GRSF1: variants seen among roughly 807,000 people sequenced by gnomAD.
GRSF1 encodes G-rich sequence factor 1.
In GRSF1, 50 loss-of-function variants were observed where a neutral mutation model predicts 51.1. That is an observed-to-expected ratio of 0.98 (90% CI 0.78 to 1.24). GRSF1 has a LOEUF of 1.24. Ranked by LOEUF, GRSF1 falls within the 50% of genes most tolerant of loss-of-function variation. The pLI, the probability that GRSF1 is intolerant of heterozygous loss-of-function variation, is 0.00. For missense variants in GRSF1, 700 were observed against 639.7 expected, an observed-to-expected ratio of 1.09 and a Z score of -1.02; for synonymous variants, 293 against 253.3, an observed-to-expected ratio of 1.16 and a Z score of -1.49.
At chr4:70,832,219 G>A in intron 4 of GRSF1, 88 bp downstream of exon 4, 1 of 1,050,698 alleles carries the variant, frequency 9.5e-7, no homozygotes, top group Non-Finnish European at 1.4e-6. Context: ...GCATGCCTTT[G>A]CCCAGAAACA....
At chr4:70,840,249 C>T (rs867281805), upstream of GRSF1, among the ~76,000 whole-genome samples, 4 of 151,942 alleles carry the variant, frequency 2.6e-5, no homozygotes, top group African/African-American at 7.3e-5. Flanking sequence ...ATGGTTTGGG[C>T]GGGGCCCGGG....
At chr4:70,835,428 CA>C (rs746074850) in intron 2 of GRSF1, among the ~76,000 whole-genome samples, 52 of 103,800 alleles carry the variant, frequency 5.0e-4, no homozygotes, top group East Asian at 2.3e-3. Context: ...GACTCCGTCT[CA>C]AAAAAAAAAA....
chr4:70,836,328 T>C lies in GRSF1; in HGVS notation c.358-14A>G. On this transcript the variant is annotated splice_polypyrimidine_tract_variant and intron_variant, in intron 1 of 9. Coordinates refer to ENST00000254799, the MANE Select transcript of GRSF1 (RefSeq NM_002092.4). ...AGTTTTGGACTCCTTCCAAAGGAAATGAAGAATTGTAAAAAGAGTTGCATT... is the reference window on the plus strand; with the variant it reads ...AGTTTTGGACTCCTTCCAAAGGAAACGAAGAATTGTAAAAAGAGTTGCATT... The C allele has an allele frequency of 6.5e-7, 1 of 1,529,718 alleles. No individual in the cohort carries two copies. The highest frequency in any genetic ancestry group is 1.2e-5 in the South Asian group (1 of 80,474). The allele number at this position is 1,529,718 out of a possible 1,614,324, so 94.8% of individuals were successfully genotyped here.
At chr4:70,822,162 C>A (rs917130455) in intron 9 of GRSF1, among the ~76,000 whole-genome samples, 1 of 151,630 alleles carries the variant, frequency 6.6e-6, no homozygotes, top group Admixed American at 6.6e-5. Context: ...TAGGTTAACA[C>A]TATAAAATTA....
rs959417584 is a variant in GRSF1, at chr4:70,816,997, T to C, written c.*3890A>G. The C allele has an allele frequency of 5.3e-5, 8 of 152,126 alleles. 1 individual carries two copies. Among genetic ancestry groups the C allele is most frequent in the African/African-American group, 1.9e-4 (8 of 41,384 alleles). 9.4% of individuals were successfully genotyped at this position (152,126 alleles called of 1,614,324 possible). The stretch of plus-strand genomic sequence containing the variant: ...ACAAAATAGCATGTACAGTATAATT[T>C]ATATTTTTAAAAGAAATGACAACAC... On this transcript the variant is annotated 3_prime_UTR_variant, in exon 10 of 10. Coordinates refer to ENST00000254799, the MANE Select transcript of GRSF1 (RefSeq NM_002092.4).
chr4:70,824,144 T>C (rs1733639737), intron 9 of GRSF1, 150 bp downstream of exon 9: 2 of 402,360 alleles, frequency 5.0e-6, no homozygotes, highest in Non-Finnish European at 9.4e-6. Flanking sequence ...TTAATTTTTG[T>C]ATTTTTAGTA....
intron 9 of GRSF1, among the ~76,000 whole-genome samples, chr4:70,821,595 G>T (rs892086111): frequency 7.2e-6 from 1 of 139,620 alleles, no homozygotes; most frequent in Non-Finnish European, 1.5e-5. Flanking sequence ...GACAGAGAGA[G>T]ACTCCGTCTC....
chr4:70,836,959 T>C (rs1734239698), intron 1 of GRSF1, among the ~76,000 whole-genome samples: 1 of 152,204 alleles, frequency 6.6e-6, no homozygotes. Flanking sequence ...CAAAAGAGGT[T>C]GGTACCATAG....
chr4:70,831,448 G>T, intron 5 of GRSF1, 91 bp downstream of exon 5: 1 of 1,157,990 alleles, frequency 8.6e-7, no homozygotes, highest in Non-Finnish European at 1.2e-6. Flanking sequence ...ACTTTTCTAT[G>T]TTTGGATAAC....
intron 3 of GRSF1, 86 bp downstream of exon 3, chr4:70,833,032 A>T: frequency 8.8e-7 from 1 of 1,142,000 alleles, no homozygotes; most frequent in Non-Finnish European, 1.3e-6. Context: ...TAAATACTTC[A>T]TTATTAAGGA....
chr4:70,823,170 CG>C (rs1733589752), intron 9 of GRSF1, among the ~76,000 whole-genome samples: 1 of 151,846 alleles, frequency 6.6e-6, no homozygotes, highest in African/African-American at 2.4e-5. Context: ...CCGAGGCAGG[CG>C]GATCACCTGA....
intron 5 of GRSF1, among the ~76,000 whole-genome samples, chr4:70,829,820 C>T (rs547458865): frequency 5.6e-4 from 85 of 152,002 alleles, no homozygotes; most frequent in African/African-American, 1.9e-3. Context: ...ACCAAAAAAC[C>T]TTTGAACCAC....
intron 1 of GRSF1, among the ~76,000 whole-genome samples, chr4:70,838,711 A>C (rs1734326699): frequency 6.6e-6 from 1 of 152,192 alleles, no homozygotes; most frequent in African/African-American, 2.4e-5. Flanking sequence ...TTTCTAAAAA[A>C]ATAAAGAAAA....
rs1734168667 is a variant in GRSF1, at chr4:70,835,492, T to A, written c.514+666A>T. Among the ~76,000 whole-genome samples, 3 of 144,526 alleles carry A rather than the reference T, an allele frequency of 2.1e-5. No individual in the cohort carries two copies. In the South Asian group the frequency reaches 7.1e-4, roughly 34 times the overall value. The allele number at this position is 144,526 out of a possible 152,430, so 94.8% of individuals were successfully genotyped here. A position where few individuals can be genotyped will look rare whatever the true frequency, so the allele number is the denominator to read the frequency against. ...TTTTTTTTGAGACAGAGTCTCACTC[T>A]GTCGCCCAGGCTGGAATGCAGTGGC... On this transcript the variant is annotated intron_variant, in intron 2 of 9. Transcript: ENST00000254799.
At position 70,835,481 on chromosome 4, in the gene GRSF1, G is replaced by C. The variant is rs561665295; in HGVS notation, c.514+677C>G. Among the ~76,000 whole-genome samples, 171 of 140,992 alleles carry C rather than the reference G, an allele frequency of 1.2e-3. 1 individual carries two copies. Among genetic ancestry groups the C allele is most frequent in the Non-Finnish European group, 2.2e-3 (144 of 64,882 alleles). The allele number at this position is 140,992 out of a possible 152,430, so 92.5% of individuals were successfully genotyped here. On this transcript the variant is annotated intron_variant, in intron 2 of 9. Coordinates refer to ENST00000254799, the MANE Select transcript of GRSF1 (RefSeq NM_002092.4). ...TGGATTTTTTTTTTTTTTTGAGACA[G>C]AGTCTCACTCTGTCGCCCAGGCTGG... is the stretch of plus-strand genomic sequence containing the variant.
chr4:70,841,631 T>G (rs1453280645), upstream of GRSF1, among the ~76,000 whole-genome samples: 1 of 152,246 alleles, frequency 6.6e-6, no homozygotes, highest in Non-Finnish European at 1.5e-5. Context: ...GACCTTATTT[T>G]CTTTGCTAGA....
intron 2 of GRSF1, among the ~76,000 whole-genome samples, chr4:70,835,026 G>C (rs759348582): frequency 6.6e-6 from 1 of 152,128 alleles, no homozygotes; most frequent in Non-Finnish European, 1.5e-5. Context: ...GCTCCCACTT[G>C]TAAGTGAAAA....
At chr4:70,832,504 C>A in intron 3 of GRSF1, 54 bp from the exon 4 acceptor site, 2 of 1,087,594 alleles carry the variant, frequency 1.8e-6, no homozygotes, top group Admixed American at 2.3e-5. Flanking sequence ...AAGGAACAAA[C>A]CCATTAAAAA....
chr4:70,839,272 G>T lies in GRSF1; in HGVS notation c.357+199C>A, dbSNP rs773897208. The T allele has an allele frequency of 2.7e-6, 4 of 1,491,372 alleles. No homozygotes were observed. The South Asian group carries it at 4.8e-5, about 18-fold the overall frequency. 92.4% of individuals were successfully genotyped at this position (1,491,372 alleles called of 1,614,324 possible). A position where few individuals can be genotyped will look rare whatever the true frequency, so the allele number is the denominator to read the frequency against. ...ACTCGAGGCGAGAACAAAACAAGCA[G>T]AAGACCCGACGCCTGGGAGAGCTTC... is the stretch of plus-strand genomic sequence containing the variant. On this transcript the variant is annotated intron_variant, in intron 1 of 9. Coordinates refer to ENST00000254799, the MANE Select transcript of GRSF1 (RefSeq NM_002092.4).
Sources: gnomAD v4.1 joint callset for allele counts (sites outside exome capture counted in the v4.1 genomes callset) on GRCh38, gnomAD v4.1.1 for gene constraint, MANE v1.5 for transcripts, NCBI Gene and HGNC (gene_info 2026-07-23, HGNC 2026-07-21) for gene names.